The following FILIP1L variants were observed in gnomAD, a reference collection of about 807,000 sequenced individuals.
The protein encoded by FILIP1L is filamin A-interacting protein 1-like.
Under a neutral mutation model 96.6 loss-of-function variants are expected in FILIP1L, and 55 were observed. The observed-to-expected ratio is 0.57, with a 90% CI of 0.46 to 0.71. The LOEUF (loss-of-function observed/expected upper bound fraction) is 0.71, where lower values mean the gene tolerates loss of function less well. Among genes scored for constraint, FILIP1L ranks in the 30% least tolerant of loss-of-function variants. FILIP1L has a pLI of 0.00. For synonymous variants in FILIP1L, 467 were observed against 473.9 expected, an observed-to-expected ratio of 0.99 and a Z score of 0.19; for missense variants, 1,304 against 1,321.2, an observed-to-expected ratio of 0.99 and a Z score of 0.20.
intron 1 of FILIP1L, among the ~76,000 whole-genome samples, chr3:100,101,777 C>T (rs1299251087): frequency 6.6e-6 from 1 of 152,062 alleles, no homozygotes; most frequent in East Asian, 1.9e-4. Flanking sequence ...CCGCTCCCCT[C>T]ACCCCACAAC....
At chr3:99,998,254 A>G (rs1160264463) in intron 1 of FILIP1L, among the ~76,000 whole-genome samples, 2 of 152,196 alleles carry the variant, frequency 1.3e-5, no homozygotes, top group Non-Finnish European at 1.5e-5. Context: ...TAAAGGATAA[A>G]TCTATCCTAG....
intron 5 of FILIP1L, among the ~76,000 whole-genome samples, chr3:99,841,650 TC>T (rs1180957379): frequency 6.6e-6 from 1 of 151,980 alleles, no homozygotes; most frequent in African/African-American, 2.4e-5. Context: ...ACAGGCGCAA[TC>T]CCATCATAAA....
At chr3:99,870,875 C>G (rs1173117254) in intron 4 of FILIP1L, among the ~76,000 whole-genome samples, 1 of 152,176 alleles carries the variant, frequency 6.6e-6, no homozygotes, top group African/African-American at 2.4e-5. Context: ...AGGCCTTCAC[C>G]TGAGGCACAG....
intron 4 of FILIP1L, chr3:99,874,139 G>A (rs1705385214): frequency 6.6e-6 from 1 of 152,098 alleles, no homozygotes; most frequent in Non-Finnish European, 1.5e-5. Context: ...ATATTAAAGA[G>A]TGTTATTTTT....
In FILIP1L at chr3:100,034,511, G is replaced by A. The variant is rs552795238; in HGVS notation, c.-11+79542C>T. On this transcript the variant is annotated intron_variant, in intron 1 of 5. Coordinates refer to ENST00000477258, the MANE Select transcript of FILIP1L (RefSeq NM_001387850.1). The stretch of plus-strand genomic sequence containing the variant: ...CCACTTCGTTCCAGTAATCCAAAAG[G>A]TTCTTTGTGTTGCCTAAATAATAGA... 2.6e-5 allele frequency among the ~76,000 whole-genome samples: 4 copies of A among 152,286 alleles called. No individual in the cohort carries two copies. The East Asian group carries it at 5.8e-4, about 22-fold the overall frequency.
chr3:100,080,448 G>A (rs1576031574), intron 1 of FILIP1L, among the ~76,000 whole-genome samples: 1 of 152,132 alleles, frequency 6.6e-6, no homozygotes, highest in African/African-American at 2.4e-5. Flanking sequence ...GTAGATTTTG[G>A]GGAGTACCCT....
chr3:99,983,460 GTGTGTATATATATATATATATATA>G lies in FILIP1L; in HGVS notation c.-10-52454_-10-52431del, dbSNP rs1438502432. Among the ~76,000 whole-genome samples the G allele has an allele frequency of 3.5e-3, 245 of 69,472 alleles. 7 individuals carry two copies. Among genetic ancestry groups the G allele is most frequent in the East Asian group, 0.024 (87 of 3,586 alleles). 45.6% of individuals were successfully genotyped at this position (69,472 alleles called of 152,430 possible). A position where few individuals can be genotyped will look rare whatever the true frequency, so the allele number is the denominator to read the frequency against. On this transcript the variant is annotated intron_variant, in intron 1 of 5. Transcript: ENST00000477258. ...TATATATGTATGTATATATATATAT[GTGTGTATATATATATATATATATA>G]TATATATATATATATATATATATAT... is the stretch of plus-strand genomic sequence containing the variant.
intron 4 of FILIP1L, among the ~76,000 whole-genome samples, chr3:99,895,160 G>A (rs1000579610): frequency 3.3e-5 from 5 of 151,912 alleles, no homozygotes; most frequent in African/African-American, 1.2e-4. Context: ...CCCAGAGAAT[G>A]CTTATATATA....
chr3:99,927,267 C>T (rs1707322828), intron 3 of FILIP1L, among the ~76,000 whole-genome samples: 4 of 152,032 alleles, frequency 2.6e-5, no homozygotes, highest in Admixed American at 2.0e-4. Flanking sequence ...TATACCATTG[C>T]TTAAGGTAAG....
intron 1 of FILIP1L, among the ~76,000 whole-genome samples, chr3:99,996,706 G>A (rs1489006529): frequency 6.6e-6 from 1 of 152,066 alleles, no homozygotes; most frequent in Non-Finnish European, 1.5e-5. Flanking sequence ...AGAAAATGAG[G>A]AAGATGCAAA....
chr3:100,059,166 A>G (rs2065516452), intron 1 of FILIP1L, among the ~76,000 whole-genome samples: 1 of 152,246 alleles, frequency 6.6e-6, no homozygotes, highest in East Asian at 1.9e-4. Flanking sequence ...ACAGAAACAT[A>G]TACTTGGAGT....
At chr3:99,984,260 T>C (rs1709266110) in intron 1 of FILIP1L, among the ~76,000 whole-genome samples, 1 of 152,210 alleles carries the variant, frequency 6.6e-6, no homozygotes, top group Non-Finnish European at 1.5e-5. Context: ...CATGTATTTA[T>C]TATGTAGAGT....
intron 1 of FILIP1L, among the ~76,000 whole-genome samples, chr3:100,001,726 T>G (rs1246303295): frequency 6.6e-6 from 1 of 152,288 alleles, no homozygotes; most frequent in East Asian, 1.9e-4. Context: ...GCCAAGGTTT[T>G]CAAAATACCT....
At chr3:99,882,221 T>G (rs577560474) in intron 4 of FILIP1L, among the ~76,000 whole-genome samples, 1 of 152,290 alleles carries the variant, frequency 6.6e-6, no homozygotes, top group East Asian at 1.9e-4. Context: ...TTTATGAAAA[T>G]TACATTTTAA....
At chr3:100,041,535 T>A (rs962030685) in intron 1 of FILIP1L, 5 of 152,130 alleles carry the variant, frequency 3.3e-5, no homozygotes, top group Admixed American at 3.3e-4. Context: ...GGTCAAATTT[T>A]CCATTACACA....
chr3:100,070,617 G>GT (rs2065745341), intron 1 of FILIP1L, among the ~76,000 whole-genome samples: 2 of 151,952 alleles, frequency 1.3e-5, no homozygotes, highest in African/African-American at 4.8e-5. Context: ...ATCATCGTGG[G>GT]GTTTTTTTGT....
intron 1 of FILIP1L, among the ~76,000 whole-genome samples, chr3:100,067,379 C>T (rs1473429625): frequency 6.6e-6 from 1 of 151,998 alleles, no homozygotes; most frequent in Non-Finnish European, 1.5e-5. Flanking sequence ...AACTAAGCAC[C>T]CTGGTGAAGG....
chr3:99,924,532 G>T, intron 3 of FILIP1L, 124 bp from the exon 4 acceptor site: 2 of 1,008,530 alleles, frequency 2.0e-6, no homozygotes, highest in Non-Finnish European at 3.0e-6. Flanking sequence ...TTGTTTGTTT[G>T]TTTTGAAACA....
At chr3:100,005,317 C>T (rs1269286895) in intron 1 of FILIP1L, among the ~76,000 whole-genome samples, 1 of 152,182 alleles carries the variant, frequency 6.6e-6, no homozygotes, top group East Asian at 1.9e-4. Flanking sequence ...CTCAAACAGG[C>T]TGTCTTGAAA....
Sources: gnomAD v4.1 joint callset for allele counts (sites outside exome capture counted in the v4.1 genomes callset) on GRCh38, gnomAD v4.1.1 for gene constraint, MANE v1.5 for transcripts, NCBI Gene and HGNC (gene_info 2026-07-23, HGNC 2026-07-21) for gene names.